Variants in SEZ6 observed in about 807,000 individuals in gnomAD.
SEZ6 encodes seizure protein 6 homolog.
SEZ6 carries 53 observed loss-of-function variants against 101.0 expected under a neutral mutation model. The ratio of observed to expected loss-of-function variants is 0.52; its 90% confidence interval spans 0.42 to 0.66. SEZ6 has a LOEUF of 0.66. SEZ6 is among the 30% of genes least tolerant of loss of function. The pLI, the probability that SEZ6 is intolerant of heterozygous loss-of-function variation, is 0.00. For missense variants in SEZ6, 1,102 were observed against 1,289.4 expected (o/e 0.85, Z 2.23); for synonymous variants, 488 against 512.2 (o/e 0.95, Z 0.64).
intron 3 of SEZ6, among the ~76,000 whole-genome samples, chr17:28,974,809 A>ACCGGTCT (rs1339945903): frequency 6.6e-6 from 1 of 152,210 alleles, no homozygotes; most frequent in African/African-American, 2.4e-5. Flanking sequence ...CCTGACAGGT[A>ACCGGTCT]CCGGTCTCCG....
At position 28,961,078 on chromosome 17, in the gene SEZ6, G is replaced by A. The variant is rs890717827; in HGVS notation, c.1241-105C>T. 2.2e-5 allele frequency: 31 copies of A among 1,403,500 alleles called. No homozygotes were observed. The Admixed American group carries it at 2.6e-4, about 12-fold the overall frequency. 86.9% of individuals were successfully genotyped at this position (1,403,500 alleles called of 1,614,324 possible). ...CCCTATATCCTCTGCTTGGAGCAGC[G>A]GGGACCTTGCCTCCCTGCCATCTTG... On this transcript the variant is annotated intron_variant, in intron 5 of 16. Transcript: ENST00000317338.
intron 4 of SEZ6, among the ~76,000 whole-genome samples, chr17:28,968,928 C>T (rs754675377): frequency 7.2e-5 from 11 of 152,202 alleles, no homozygotes; most frequent in Non-Finnish European, 1.0e-4. Flanking sequence ...GCGGCAAAGT[C>T]CTGAGCCCCT....
In SEZ6 at chr17:28,959,734, C is replaced by A; in HGVS notation, c.1735G>T (p.Asp579Tyr). 1 of 1,607,550 alleles carries A rather than the reference C, an allele frequency of 6.2e-7. No individual in the cohort carries two copies. ...GGCTCTGTCTCATTCCACTGGGGGT[C>A]GTGGGGGTCAACACACTCGATGATG... ...SIIIECVDPH[D>Y]PQWNETEPAC... is the part of the protein sequence containing the mutation. The change falls in exon 8 of 17, where the codon GAC becomes TAC. Residue 579 changes from aspartate to tyrosine, a missense_variant. Transcript: ENST00000317338. This position sits in a 1 kb window ranked among gnomAD's most constrained non-coding sequence, Gnocchi z 4.4.
chr17:28,957,785 GA>G (rs2040907976), intron 11 of SEZ6, 161 bp downstream of exon 11: 1 of 944,920 alleles, frequency 1.1e-6, no homozygotes, highest in Non-Finnish European at 1.6e-6. Context: ...ATAACCCCAT[GA>G]AAAGTATCAT....
Position 29,005,328 on chromosome 17 carries a change from G to T in SEZ6, c.55+487C>A, listed in dbSNP as rs2041672997. On this transcript the variant is annotated intron_variant, in intron 1 of 16. Coordinates refer to ENST00000317338, the MANE Select transcript of SEZ6 (RefSeq NM_178860.5). This position sits in a 1 kb window ranked among gnomAD's most constrained non-coding sequence, Gnocchi z 4.8. ...CCGGGTCCGGCCGCCATCCGGCCCC[G>T]TCTCCCCTCAGTAAGAACACTAGAG... 6.6e-6 allele frequency among the ~76,000 whole-genome samples: 1 copy of T among 152,114 alleles called. No homozygotes were observed. The highest frequency in any genetic ancestry group is 6.5e-5 in the Admixed American group (1 of 15,288).
At chr17:28,967,974 G>C (rs1196181314) in intron 4 of SEZ6, among the ~76,000 whole-genome samples, 1 of 152,174 alleles carries the variant, frequency 6.6e-6, no homozygotes, top group African/African-American at 2.4e-5. Flanking sequence ...GGATGCAGGA[G>C]GGGGATGTCT....
chr17:28,969,639 G>A (rs2041121265), intron 4 of SEZ6, 118 bp downstream of exon 4: 3 of 938,670 alleles, frequency 3.2e-6, no homozygotes, highest in Non-Finnish European at 4.5e-6. Flanking sequence ...TTTGTGCTAT[G>A]TGTCACTAGC....
At chr17:28,957,277 G>T in intron 12 of SEZ6, 35 bp from the exon 13 acceptor site, 12 of 1,612,902 alleles carry the variant, frequency 7.4e-6, no homozygotes, top group Non-Finnish European at 1.0e-5. Context: ...AGGGTGTCAT[G>T]CCCTTGGCCT....
intron 1 of SEZ6, among the ~76,000 whole-genome samples, chr17:28,991,893 C>T (rs752261837): frequency 1.3e-4 from 20 of 152,286 alleles, no homozygotes; most frequent in Admixed American, 5.2e-4. Context: ...AGCTCAGAGC[C>T]AGTTTAGGAG....
In SEZ6 at chr17:28,982,021, G is replaced by A; in HGVS notation, c.74C>T (p.Pro25Leu). ...LLAHGLSLEA[P>L]TVGKGQAPGI... ...TGGGGCTTGTCCTTTCCCCACGGTTGGGGCCTCTAAAGAGAGTCCTGAAAT... is the reference window on the plus strand; with the variant it reads ...TGGGGCTTGTCCTTTCCCCACGGTTAGGGCCTCTAAAGAGAGTCCTGAAAT... Residue 25 changes from proline to leucine, a missense_variant, in exon 2 of 17, where the codon CCA becomes CTA. By Grantham distance (98) the Pro-to-Leu change is moderately conservative. Coordinates refer to ENST00000317338, the MANE Select transcript of SEZ6 (RefSeq NM_178860.5). The A allele has an allele frequency of 6.2e-7, 1 of 1,602,274 alleles. No homozygotes were observed. Among genetic ancestry groups the A allele is most frequent in the South Asian group, 1.1e-5 (1 of 90,660 alleles).
intron 1 of SEZ6, among the ~76,000 whole-genome samples, chr17:28,996,728 C>T (rs936234696): frequency 1.3e-5 from 2 of 152,168 alleles, no homozygotes; most frequent in African/African-American, 4.8e-5. Context: ...TGCACGTAGA[C>T]ATGGCTACCA....
chr17:28,980,638 G>T (rs1395243120), intron 2 of SEZ6, among the ~76,000 whole-genome samples: 1 of 152,140 alleles, frequency 6.6e-6, no homozygotes, highest in Non-Finnish European at 1.5e-5. Context: ...AAAGTGCTGG[G>T]ATTACAGGCA....
intron 4 of SEZ6, among the ~76,000 whole-genome samples, chr17:28,967,309 T>C (rs1462230831): frequency 6.6e-6 from 1 of 152,182 alleles, no homozygotes; most frequent in Non-Finnish European, 1.5e-5. Context: ...TATGAGCCCA[T>C]TTTCAGATGA....
chr17:28,955,845 C>T lies in SEZ6; in HGVS notation c.*117G>A. 8.4e-7 allele frequency: 1 copy of T among 1,190,986 alleles called. No homozygotes were observed. Among genetic ancestry groups the T allele is most frequent in the African/African-American group, 1.5e-5 (1 of 65,966 alleles). The allele number at this position is 1,190,986 out of a possible 1,614,324, so 73.8% of individuals were successfully genotyped here. ...CTTCTTGAGGGCTTGGTGGCATCTC[C>T]TCCTAGGTGGTATATACAGGAGGTG... On this transcript the variant is annotated 3_prime_UTR_variant, in exon 17 of 17. Coordinates refer to ENST00000317338, the MANE Select transcript of SEZ6 (RefSeq NM_178860.5).
At chr17:28,972,310 G>T (rs1018518809) in intron 3 of SEZ6, among the ~76,000 whole-genome samples, 7 of 152,240 alleles carry the variant, frequency 4.6e-5, no homozygotes, top group Non-Finnish European at 1.0e-4. Context: ...TGTGTGGGCT[G>T]CTGGAGAGAC....
chr17:28,967,819 A>G (rs2041093100), intron 4 of SEZ6, among the ~76,000 whole-genome samples: 1 of 152,186 alleles, frequency 6.6e-6, no homozygotes, highest in South Asian at 2.1e-4. Flanking sequence ...CAGACTCCAT[A>G]GTAGTTAAAG....
rs754945202 is a variant in SEZ6, at chr17:28,981,496, A to G, written c.599T>C (p.Val200Ala). 6.2e-7 allele frequency: 1 copy of G among 1,605,544 alleles called. No homozygotes were observed. The highest frequency in any genetic ancestry group is 1.1e-5 in the South Asian group (1 of 89,462). Residue 200 changes from valine (V) to alanine (A), a missense_variant, in exon 2 of 17, where the codon GTG (valine) becomes GCG (alanine). Physicochemically the swap from Val to Ala is moderately conservative, Grantham distance 64. Coordinates refer to ENST00000317338, the MANE Select transcript of SEZ6 (RefSeq NM_178860.5). ...DMGRPWVAEV[V>A]SQGAGIGIQG... ...GATCCCGATCCCTGCGCCCTGGGAC[A>G]CAACCTCTGCAACCCACGGCCTTCC...
chr17:28,960,470 A>G, intron 7 of SEZ6, 35 bp downstream of exon 7: 2 of 1,569,478 alleles, frequency 1.3e-6, no homozygotes, highest in Non-Finnish European at 1.7e-6. Context: ...ATCCCCGTGG[A>G]CCCGCCACCC....
chr17:28,957,455 TG>T lies in SEZ6; in HGVS notation c.2386del (p.Gln796AsnfsTer10). 6.2e-7 allele frequency: 1 copy of T among 1,613,652 alleles called. No homozygotes were observed. Among genetic ancestry groups the T allele is most frequent in the Non-Finnish European group, 8.5e-7 (1 of 1,179,706 alleles). On this transcript the variant is annotated frameshift_variant, in exon 12 of 17. Coordinates refer to ENST00000317338, the MANE Select transcript of SEZ6 (RefSeq NM_178860.5). LOFTEE classifies it high-confidence loss of function. ...SPKFPVGATV[Q>X]YICDQGFVLM... ...CACAAAACCCTGGTCACAGATATAT[TG>T]CACGGTGGCCCCCACGGGAAACTTG...
Sources: allele counts gnomAD v4.1 joint callset (sites outside exome capture counted in the v4.1 genomes callset), GRCh38; gene constraint gnomAD v4.1.1; non-coding constraint Gnocchi (gnomAD v3.1); transcripts MANE v1.5; gene names NCBI Gene and HGNC (gene_info 2026-07-23, HGNC 2026-07-21).